Variants in SLC36A1 observed in about 807,000 individuals in gnomAD.
SLC36A1 encodes the protein proton-coupled amino acid transporter 1.
Under a neutral mutation model 47.5 loss-of-function variants are expected in SLC36A1, and 30 were observed. That is an observed-to-expected ratio of 0.63 (90% CI 0.47 to 0.86). The LOEUF is 0.86. Among genes scored for constraint, SLC36A1 ranks in the 40% least tolerant of loss-of-function variants. The probability of loss-of-function intolerance (pLI) is 0.00; values close to 1 mark genes in which losing one functional copy is unlikely to be tolerated. For missense variants in SLC36A1, 517 were observed against 606.0 expected (o/e 0.85, Z 1.54); for synonymous variants, 255 against 249.7 (o/e 1.02, Z -0.20).
At chr5:151,546,425 A>G in the SLC36A1 span, 1 of 990,168 alleles carries the variant, frequency 1.0e-6, no homozygotes, top group Non-Finnish European at 1.5e-6. Context: ...TCTATCACAC[A>G]AAACCTGGAC....
chr5:151,445,610 A>G (rs1763531030), upstream of SLC36A1, among the ~76,000 whole-genome samples: 2 of 152,204 alleles, frequency 1.3e-5, no homozygotes, highest in Admixed American at 1.3e-4. Flanking sequence ...CTTGTTGGGA[A>G]GTTTAAACAG....
At chr5:151,458,666 C>G in intron 1 of SLC36A1, 122 bp from the exon 2 acceptor site, 1 of 1,056,466 alleles carries the variant, frequency 9.5e-7, no homozygotes, top group Non-Finnish European at 1.3e-6. Context: ...ATACTTAATC[C>G]ATAGTGGAGC....
intron 5 of SLC36A1, 142 bp from the exon 6 acceptor site, chr5:151,467,057 A>G (rs1756501822): frequency 6.2e-6 from 4 of 645,372 alleles, no homozygotes; most frequent in Admixed American, 2.7e-5. Context: ...AGGCACTACC[A>G]CTATGCAGTA....
chr5:151,523,208 A>G, the SLC36A1 span, among the ~76,000 whole-genome samples: 1 of 152,192 alleles, frequency 6.6e-6, no homozygotes, highest in Non-Finnish European at 1.5e-5. Context: ...AATAGCAACA[A>G]TAATAATTAA....
At chr5:151,528,031 C>T in the SLC36A1 span, 1 of 1,614,212 alleles carries the variant, frequency 6.2e-7, no homozygotes, top group South Asian at 1.1e-5. Context: ...ACCTGTAGCT[C>T]CCCCTTTTTG....
the SLC36A1 span, among the ~76,000 whole-genome samples, chr5:151,365,048 C>T: frequency 2.0e-5 from 3 of 152,092 alleles, no homozygotes; most frequent in Non-Finnish European, 2.9e-5. Context: ...TCGCCAAACC[C>T]AGGTCATGTG....
chr5:151,514,125 A>C, the SLC36A1 span, among the ~76,000 whole-genome samples: 1 of 152,224 alleles, frequency 6.6e-6, no homozygotes, highest in Non-Finnish European at 1.5e-5. Context: ...ACCACCTCTC[A>C]GATTTTTGCC....
the SLC36A1 span, chr5:151,544,193 C>T: frequency 1.9e-6 from 3 of 1,614,102 alleles, no homozygotes; most frequent in African/African-American, 2.7e-5. Flanking sequence ...CCATCCTCCA[C>T]AATCTGATAA....
At chr5:151,510,066 G>C in the SLC36A1 span, 3 of 1,614,152 alleles carry the variant, frequency 1.9e-6, no homozygotes, top group East Asian at 2.2e-5. Context: ...AGCTCCTTTG[G>C]GGGAGAGGAT....
At chr5:151,529,344 T>C in the SLC36A1 span, 1 of 1,614,006 alleles carries the variant, frequency 6.2e-7, no homozygotes, top group Non-Finnish European at 8.5e-7. Context: ...GGACAGGAAG[T>C]ACTTGGGGCT....
At chr5:151,430,549 C>T in the SLC36A1 span, among the ~76,000 whole-genome samples, 1 of 152,068 alleles carries the variant, frequency 6.6e-6, no homozygotes, top group African/African-American at 2.4e-5. Flanking sequence ...TGGTCTTGAA[C>T]TCCTGACCTC....
rs564987873 is a variant in SLC36A1, at chr5:151,476,574, C to T, written c.823-16C>T. 8 of 1,470,252 alleles carry T rather than the reference C, an allele frequency of 5.4e-6. No individual in the cohort carries two copies. The South Asian group carries it at 9.4e-5, about 17-fold the overall frequency. The allele number at this position is 1,470,252 out of a possible 1,614,324, so 91.1% of individuals were successfully genotyped here. Reference sequence around the variant, plus strand: ...TTTTTCTGCACTTTCTCTCCTCTCTCACTACTCTCTCATAGGTTCTGCCCC... The same window carrying T: ...TTTTTCTGCACTTTCTCTCCTCTCTTACTACTCTCTCATAGGTTCTGCCCC... On this transcript the variant is annotated splice_polypyrimidine_tract_variant and intron_variant, in intron 8 of 10. Coordinates refer to ENST00000243389, the MANE Select transcript of SLC36A1 (RefSeq NM_078483.4).
At chr5:151,450,357 G>A (rs923626928) in intron 1 of SLC36A1, among the ~76,000 whole-genome samples, 1 of 151,610 alleles carries the variant, frequency 6.6e-6, no homozygotes, top group Non-Finnish European at 1.5e-5. Flanking sequence ...GGACGGAGCC[G>A]GTGTCCACTT....
the SLC36A1 span, among the ~76,000 whole-genome samples, chr5:151,519,373 C>G: frequency 6.6e-6 from 1 of 152,106 alleles, no homozygotes; most frequent in Admixed American, 6.5e-5. Context: ...CAAACAAGTC[C>G]AAAATTCCCT....
At chr5:151,496,804 A>G (rs1258837297), downstream of SLC36A1, among the ~76,000 whole-genome samples, 1 of 152,142 alleles carries the variant, frequency 6.6e-6, no homozygotes, top group Non-Finnish European at 1.5e-5. Context: ...ATCCTTCCTG[A>G]CACTATTTGT....
chr5:151,484,945 A>G (rs1286998561), intron 10 of SLC36A1, among the ~76,000 whole-genome samples: 1 of 152,018 alleles, frequency 6.6e-6, no homozygotes, highest in Non-Finnish European at 1.5e-5. Context: ...ACCTGGCACC[A>G]TCACTGCAAG....
rs1414919754 is a variant in SLC36A1, at chr5:151,459,183, T to TA, written c.143+255dup. Among the ~76,000 whole-genome samples, 16 of 152,254 alleles carry TA rather than the reference T, an allele frequency of 1.1e-4. No individual in the cohort carries two copies. The East Asian group carries it at 3.1e-3, about 29-fold the overall frequency. On this transcript the variant is annotated intron_variant, in intron 2 of 10. Transcript: ENST00000243389. ...CTGGTGCCAAGTGAGAGCTTGGACTTAAAAAAAGCTTCTACAGAGGACATT... is the reference window on the plus strand; with the variant it reads ...CTGGTGCCAAGTGAGAGCTTGGACTTAAAAAAAAGCTTCTACAGAGGACATT...
the SLC36A1 span, among the ~76,000 whole-genome samples, chr5:151,403,176 G>T: frequency 2.0e-5 from 3 of 151,994 alleles, no homozygotes; most frequent in Non-Finnish European, 1.5e-5. Flanking sequence ...CACTGCTTTT[G>T]CTGCACCCCA....
the SLC36A1 span, among the ~76,000 whole-genome samples, chr5:151,424,016 C>T: frequency 6.6e-6 from 1 of 152,138 alleles, no homozygotes; most frequent in African/African-American, 2.4e-5. Context: ...AAGAAATGTA[C>T]ACGGGAAGAC....
Sources: gnomAD v4.1 joint callset for allele counts (sites outside exome capture counted in the v4.1 genomes callset) on GRCh38, gnomAD v4.1.1 for gene constraint, MANE v1.5 for transcripts, NCBI Gene and HGNC (gene_info 2026-07-23, HGNC 2026-07-21) for gene names.